Variants in KCNIP4 observed in about 807,000 individuals in gnomAD.
The protein encoded by KCNIP4 is potassium voltage-gated channel interacting protein 4.
In KCNIP4, 12 loss-of-function variants were observed where a neutral mutation model predicts 34.0. The ratio of observed to expected loss-of-function variants is 0.35; its 90% CI spans 0.23 to 0.57. The LOEUF (loss-of-function observed/expected upper bound fraction) is 0.57. KCNIP4 is among the 20% of genes least tolerant of loss of function. The pLI is 0.83. For synonymous variants in KCNIP4, 124 were observed against 102.2 expected, an observed-to-expected ratio of 1.21 and a Z score of -1.29; for missense variants, 238 against 311.7, an observed-to-expected ratio of 0.76 and a Z score of 1.78.
intron 1 of KCNIP4, among the ~76,000 whole-genome samples, chr4:21,087,145 AATGTGTGTGTGTGTGTGTGT>A (rs1387562523): frequency 2.8e-5 from 2 of 70,260 alleles, no homozygotes; most frequent in South Asian, 5.6e-4. Context: ...ACTGCTGGGT[AATGTGTGTGTGTGTGTGTGT>A]GTGTGTGTGT....
intron 1 of KCNIP4, among the ~76,000 whole-genome samples, chr4:21,177,450 A>T (rs1754494800): frequency 1.3e-5 from 2 of 152,158 alleles, no homozygotes. Flanking sequence ...TCTACTTCAC[A>T]CCTATCTTCT....
At chr4:21,298,873 G>A (rs1284129266) in intron 1 of KCNIP4, among the ~76,000 whole-genome samples, 1 of 152,112 alleles carries the variant, frequency 6.6e-6, no homozygotes, top group Non-Finnish European at 1.5e-5. Flanking sequence ...ATTAATGGAT[G>A]CCTAATTTAA....
intron 1 of KCNIP4, among the ~76,000 whole-genome samples, chr4:21,424,746 A>C (rs1177023999): frequency 6.6e-6 from 1 of 152,224 alleles, no homozygotes; most frequent in Non-Finnish European, 1.5e-5. Context: ...CAAGCATTAA[A>C]AAGTGGAACT....
chr4:21,776,536 T>C (rs919076900), intron 1 of KCNIP4, among the ~76,000 whole-genome samples: 8 of 152,192 alleles, frequency 5.3e-5, no homozygotes, highest in Admixed American at 5.2e-4. Flanking sequence ...ATCATCTAAT[T>C]TATCCTTTCC....
rs151146373 is a variant in KCNIP4 at position 21,775,400 on chromosome 4, T to G, written c.61+173171A>C. On this transcript the variant is annotated intron_variant, in intron 1 of 8. Coordinates refer to ENST00000382152, the MANE Select transcript of KCNIP4 (RefSeq NM_025221.6). ...TGATGCCAGCAGGATTGTTCCTGTA[T>G]AGGGTATCTGACAACCCCTGTTGGA... 8.6e-3 allele frequency among the ~76,000 whole-genome samples: 1,305 copies of G among 152,280 alleles called. 10 individuals are homozygous for G. The highest frequency in any genetic ancestry group is 0.015 in the Non-Finnish European group (1,030 of 68,016).
chr4:20,820,614 G>A (rs1716984493), intron 3 of KCNIP4, among the ~76,000 whole-genome samples: 1 of 152,180 alleles, frequency 6.6e-6, no homozygotes, highest in Non-Finnish European at 1.5e-5. Flanking sequence ...GTGGATAGAA[G>A]GAAGCCAGAT....
At chr4:21,383,772 A>G (rs1397526886) in intron 1 of KCNIP4, among the ~76,000 whole-genome samples, 1 of 152,064 alleles carries the variant, frequency 6.6e-6, no homozygotes, top group African/African-American at 2.4e-5. Flanking sequence ...TCACCACAAC[A>G]CCCAGAGGGT....
intron 1 of KCNIP4, among the ~76,000 whole-genome samples, chr4:21,647,561 C>T (rs1420149929): frequency 6.6e-6 from 1 of 152,110 alleles, no homozygotes; most frequent in Non-Finnish European, 1.5e-5. Context: ...AACTGAGAAA[C>T]TCATGAATAG....
chr4:21,709,473 T>C (rs954432871), intron 1 of KCNIP4, among the ~76,000 whole-genome samples: 2 of 152,212 alleles, frequency 1.3e-5, no homozygotes, highest in African/African-American at 4.8e-5. Context: ...AGAGGTGCCC[T>C]ACAGGCTGTT....
chr4:21,569,796 G>A (rs1225730203), intron 1 of KCNIP4, among the ~76,000 whole-genome samples: 3 of 151,900 alleles, frequency 2.0e-5, no homozygotes, highest in Non-Finnish European at 2.9e-5. Context: ...CAGCAGGGGA[G>A]AAAAAAAGAA....
At chr4:21,449,849 T>C (rs1346431052) in intron 1 of KCNIP4, among the ~76,000 whole-genome samples, 3 of 152,010 alleles carry the variant, frequency 2.0e-5, no homozygotes. Flanking sequence ...TATATCCTCA[T>C]AGAATTTGTC....
chr4:21,382,631 G>T (rs1721617009), intron 1 of KCNIP4, among the ~76,000 whole-genome samples: 2 of 151,938 alleles, frequency 1.3e-5, no homozygotes, highest in African/African-American at 4.8e-5. Flanking sequence ...CCAAGATTTA[G>T]TAACATCTAC....
chr4:21,925,151 G>A (rs1468417900), intron 1 of KCNIP4, among the ~76,000 whole-genome samples: 1 of 151,760 alleles, frequency 6.6e-6, no homozygotes, highest in African/African-American at 2.4e-5. Flanking sequence ...TGTTACATAC[G>A]TATACATGTG....
chr4:21,753,319 T>G (rs1717278622), intron 1 of KCNIP4, among the ~76,000 whole-genome samples: 1 of 152,154 alleles, frequency 6.6e-6, no homozygotes, highest in Non-Finnish European at 1.5e-5. Context: ...AGGCAATCTC[T>G]GGGTGCACTA....
At chr4:21,941,845 T>C (rs967075574) in intron 1 of KCNIP4, among the ~76,000 whole-genome samples, 3 of 152,248 alleles carry the variant, frequency 2.0e-5, no homozygotes, top group Admixed American at 6.5e-5. Context: ...TGGAAAATTC[T>C]ATATTTATAT....
chr4:21,104,294 T>A (rs1171066467), intron 1 of KCNIP4, among the ~76,000 whole-genome samples: 1 of 152,126 alleles, frequency 6.6e-6, no homozygotes, highest in African/African-American at 2.4e-5. Context: ...TTCTAACTGG[T>A]GTGAGATGGT....
chr4:21,512,344 A>G (rs1047984661), intron 1 of KCNIP4, among the ~76,000 whole-genome samples: 2 of 152,142 alleles, frequency 1.3e-5, no homozygotes, highest in African/African-American at 4.8e-5. Flanking sequence ...TTGAAATACT[A>G]TTACTCCTTT....
chr4:20,997,826 T>C (rs1410526536), intron 1 of KCNIP4, among the ~76,000 whole-genome samples: 2 of 152,208 alleles, frequency 1.3e-5, no homozygotes, highest in Non-Finnish European at 2.9e-5. Flanking sequence ...CCGCTCCTAA[T>C]GACTGGGGTC....
At chr4:20,993,027 CAAAAAAAAAAAAA>C (rs11416440) in intron 1 of KCNIP4, among the ~76,000 whole-genome samples, 1 of 42,084 alleles carries the variant, frequency 2.4e-5, no homozygotes, top group Non-Finnish European at 4.4e-5. Context: ...GACTCCATCT[CAAAAAAAAAAAAA>C]AAAAAAAAAA....
Sources: allele counts gnomAD v4.1 joint callset (sites outside exome capture counted in the v4.1 genomes callset), GRCh38; gene constraint gnomAD v4.1.1; transcripts MANE v1.5; gene names NCBI Gene and HGNC (gene_info 2026-07-23, HGNC 2026-07-21).